GAK: variants seen among roughly 807,000 people sequenced by gnomAD.
GAK encodes cyclin G associated kinase, also known as cyclin-G-associated kinase.
A neutral mutation model predicts 143.9 loss-of-function variants in GAK; 79 were observed. The ratio of observed to expected loss-of-function variants is 0.55; its 90% CI spans 0.46 to 0.66. The LOEUF is 0.66. Among genes scored for constraint, GAK ranks in the 30% least tolerant of loss-of-function variants. The pLI, the probability that GAK is intolerant of heterozygous loss-of-function variation, is 0.00. For synonymous variants in GAK, 881 were observed against 765.5 expected, an observed-to-expected ratio of 1.15 and a Z score of -2.49; for missense variants, 1,693 against 1,779.7, an observed-to-expected ratio of 0.95 and a Z score of 0.88.
chr4:871,030 G>A (rs1712484545), intron 18 of GAK, 126 bp from the exon 19 acceptor site: 1 of 809,754 alleles, frequency 1.2e-6, no homozygotes, highest in South Asian at 2.0e-5. Context: ...GAACAACCAG[G>A]GCAGCCGGCC....
chr4:854,548 G>T (rs544649456), intron 24 of GAK, among the ~76,000 whole-genome samples: 3 of 152,180 alleles, frequency 2.0e-5, no homozygotes, highest in Admixed American at 6.5e-5. Flanking sequence ...TTTGCCTACC[G>T]CTGCCCAGGT....
At position 913,665 on chromosome 4, in the gene GAK, C is replaced by T. The variant is rs1722425960; in HGVS notation, c.149G>A (p.Gly50Glu). 6.2e-7 allele frequency: 1 copy of T among 1,612,864 alleles called. No individual in the cohort carries two copies. The change falls in exon 2 of 28, where the codon GGG becomes GAG. Residue 50 changes from glycine (G) to glutamate (E), a missense_variant. Transcript: ENST00000314167. ...TTGAGCTTCATACACAAATGCAAAC[C>T]CTCCTGAAAATTAAAAAGACTTGTC... Reference protein sequence around the residue: ...LRVRRVLAEGGFAFVYEAQDV... With the variant: ...LRVRRVLAEGEFAFVYEAQDV...
At chr4:870,683 T>C (rs777690125) in intron 19 of GAK, 28 bp downstream of exon 19, 59 of 1,607,978 alleles carry the variant, frequency 3.7e-5, no homozygotes, top group Non-Finnish European at 4.6e-5. Flanking sequence ...CAGAACAGGG[T>C]TCACCTAATT....
chr4:866,637 C>T, intron 21 of GAK, 103 bp from the exon 22 acceptor site: 5 of 1,279,942 alleles, frequency 3.9e-6, no homozygotes, highest in South Asian at 1.4e-5. Context: ...TCCAGCTGGG[C>T]AGCCCAGACC....
At chr4:905,923 CA>C (rs1271133558) in intron 4 of GAK, among the ~76,000 whole-genome samples, 1 of 152,274 alleles carries the variant, frequency 6.6e-6, no homozygotes, top group Non-Finnish European at 1.5e-5. Flanking sequence ...CACCCAGTGG[CA>C]GGGGTGGGCT....
intron 1 of GAK, among the ~76,000 whole-genome samples, chr4:920,538 C>CTTTTTTTTTTTT (rs1560440258): frequency 1.4e-5 from 1 of 73,776 alleles, no homozygotes; most frequent in Non-Finnish European, 3.0e-5. Context: ...GGTTTAGAGC[C>CTTTTTTTTTTTT]ATTTTTTTTT....
intron 9 of GAK, among the ~76,000 whole-genome samples, chr4:891,384 T>C (rs1487586709): frequency 6.6e-6 from 1 of 151,752 alleles, no homozygotes; most frequent in African/African-American, 2.4e-5. Flanking sequence ...AGCAGACACA[T>C]GGCCTGTCTG....
rs763904290 is a variant in GAK at position 866,383 on chromosome 4, G to A, written c.3024C>T (p.Ser1008=). Residue 1008 remains serine, a synonymous_variant, in exon 22 of 28, where the codon AGC becomes AGT. Coordinates refer to ENST00000314167, the MANE Select transcript of GAK (RefSeq NM_005255.4). ...ACTTACCCAGGTGCAGGAAGTCGGC[G>A]CTGCAGGATGGGGGCGGAGCACTGT... ...SAHSAPPPSC[S]ADFLHLGDLP... is the part of the protein sequence containing the mutation. 14 of 1,613,938 alleles carry A rather than the reference G, an allele frequency of 8.7e-6. No homozygotes were observed. The highest frequency in any genetic ancestry group is 2.7e-5 in the African/African-American group (2 of 74,938).
At chr4:900,879 G>A (rs1039028264) in intron 5 of GAK, among the ~76,000 whole-genome samples, 9 of 152,154 alleles carry the variant, frequency 5.9e-5, no homozygotes, top group African/African-American at 2.2e-4. Flanking sequence ...CATGGCTCAG[G>A]AGCAGGCTCC....
chr4:925,878 C>T (rs1041877729), intron 1 of GAK, among the ~76,000 whole-genome samples: 2 of 152,198 alleles, frequency 1.3e-5, no homozygotes, highest in East Asian at 1.9e-4. Context: ...GCAGCACAGA[C>T]GGACTGGGAC....
chr4:913,918 C>G, intron 1 of GAK: 1 of 355,566 alleles, frequency 2.8e-6, no homozygotes, highest in East Asian at 6.4e-5. Flanking sequence ...GCCCCACACA[C>G]ACACACAGCC....
intron 7 of GAK, chr4:894,225 A>G (rs1344923739): frequency 1.3e-4 from 44 of 341,540 alleles, no homozygotes; most frequent in African/African-American, 1.2e-3. Context: ...GGCCTGCGGG[A>G]ACAACAGGGG....
chr4:918,420 C>A (rs950433842), intron 1 of GAK, among the ~76,000 whole-genome samples: 17 of 152,138 alleles, frequency 1.1e-4, no homozygotes, highest in Non-Finnish European at 2.5e-4. Context: ...GCATAAAGAT[C>A]AAAAAGGAAA....
At chr4:867,469 C>G in intron 20 of GAK, 37 bp from the exon 21 acceptor site, 2 of 1,470,072 alleles carry the variant, frequency 1.4e-6, no homozygotes, top group Non-Finnish European at 1.8e-6. Context: ...CTAGTGAGAC[C>G]ACACGGCCAG....
chr4:928,848 C>T (rs1406390147), intron 1 of GAK, among the ~76,000 whole-genome samples: 1 of 152,142 alleles, frequency 6.6e-6, no homozygotes, highest in Non-Finnish European at 1.5e-5. Context: ...ACCGCATCCT[C>T]CACCTCCCAG....
At chr4:931,558 T>TGTCC (rs1188707503) in intron 1 of GAK, among the ~76,000 whole-genome samples, 2 of 152,050 alleles carry the variant, frequency 1.3e-5, no homozygotes, top group African/African-American at 4.8e-5. Context: ...TAACCCCAGA[T>TGTCC]GTCCGGCAAA....
At chr4:912,702 C>G (rs762740631) in intron 3 of GAK, 33 bp downstream of exon 3, 35 of 1,592,748 alleles carry the variant, frequency 2.2e-5, no homozygotes, top group Non-Finnish European at 2.9e-5. Context: ...GCCAAAGCCA[C>G]CGTGCTGGCT....
intron 15 of GAK, among the ~76,000 whole-genome samples, chr4:880,384 C>T (rs528044156): frequency 6.6e-6 from 1 of 152,364 alleles, no homozygotes; most frequent in South Asian, 2.1e-4. Context: ...ACTTCAGTTT[C>T]CCCCAGAGTC....
In GAK at chr4:912,805, A is replaced by G. The variant is rs1238715943; in HGVS notation, c.208-11T>C. 1 of 1,611,068 alleles carries G rather than the reference A, an allele frequency of 6.2e-7. No homozygotes were observed. Among genetic ancestry groups the G allele is most frequent in the African/African-American group, 1.3e-5 (1 of 74,838 alleles). On this transcript the variant is annotated splice_polypyrimidine_tract_variant and intron_variant, in intron 2 of 27. Transcript: ENST00000314167. ...ATTGGATAATAGCCTCTGTATCAGG[A>G]AACAGCACACACAAAAGATGAAAGC...
Sources: gnomAD v4.1 joint callset for allele counts (sites outside exome capture counted in the v4.1 genomes callset) on GRCh38, gnomAD v4.1.1 for gene constraint, MANE v1.5 for transcripts, NCBI Gene and HGNC (gene_info 2026-07-23, HGNC 2026-07-21) for gene names.